The following AMHR2 variants were observed in gnomAD, a reference collection of about 807,000 sequenced individuals.
The protein encoded by AMHR2 is anti-Muellerian hormone type-2 receptor.
AMHR2 carries 36 observed loss-of-function variants against 61.4 expected under a neutral mutation model. The ratio of observed to expected loss-of-function variants is 0.59; its 90% confidence interval spans 0.45 to 0.77. The LOEUF (loss-of-function observed/expected upper bound fraction) is 0.77. Among genes scored for constraint, AMHR2 ranks in the 30% least tolerant of loss-of-function variants. The pLI, the probability that AMHR2 is intolerant of heterozygous loss-of-function variation, is 0.00. For missense variants in AMHR2, 638 were observed against 714.6 expected, an observed-to-expected ratio of 0.89 and a Z score of 1.22; for synonymous variants, 258 against 279.4, an observed-to-expected ratio of 0.92 and a Z score of 0.76.
chr12:53,426,553 G>A (rs1327366906), intron 6 of AMHR2, among the ~76,000 whole-genome samples: 3 of 149,592 alleles, frequency 2.0e-5, no homozygotes, highest in Non-Finnish European at 4.4e-5. Flanking sequence ...AGCCTGGGGA[G>A]GTCAAGGCTG....
rs1939471559 is a variant in AMHR2 at position 53,425,363 on chromosome 12, C to T, written c.503-92C>T. 5.0e-6 allele frequency: 8 copies of T among 1,604,702 alleles called. No individual in the cohort carries two copies. In the South Asian group the frequency reaches 7.7e-5, roughly 15 times the overall value. On this transcript the variant is annotated intron_variant, in intron 4 of 10. Transcript: ENST00000257863. ...TCTCTATAGCCTGATTCCCGGACTC[C>T]CATGACCTCTCACAAAGCTCCCTTT...
At chr12:53,426,376 C>T (rs1285285111) in intron 6 of AMHR2, among the ~76,000 whole-genome samples, 1 of 149,254 alleles carries the variant, frequency 6.7e-6, no homozygotes, top group African/African-American at 2.5e-5. Context: ...GTAATCCCAG[C>T]ACTTTGGGAG....
intron 8 of AMHR2, 82 bp from the exon 9 acceptor site, chr12:53,429,749 T>C: frequency 6.2e-7 from 1 of 1,606,424 alleles, no homozygotes; most frequent in African/African-American, 1.3e-5. Context: ...GAGTCTGTAG[T>C]TGGGGGGATA....
intron 9 of AMHR2, 69 bp from the exon 10 acceptor site, chr12:53,430,077 G>C: frequency 6.2e-7 from 1 of 1,614,082 alleles, no homozygotes; most frequent in East Asian, 2.2e-5. Flanking sequence ...GCTCTTCCCT[G>C]TCTTGCCCTT....
chr12:53,429,114 C>G lies in AMHR2; in HGVS notation c.967+104C>G. 2.7e-6 allele frequency: 3 copies of G among 1,110,076 alleles called. 1 individual carries two copies. Among genetic ancestry groups the G allele is most frequent in the South Asian group, 2.7e-5 (2 of 75,220 alleles). 68.8% of individuals were successfully genotyped at this position (1,110,076 alleles called of 1,614,324 possible). On this transcript the variant is annotated intron_variant, in intron 7 of 10. Transcript: ENST00000257863. ...TTGGGTCAAAAGAGGGAGGAAGAGC[C>G]GGGCACGGTGGCTCACGCCTATAAT... is the stretch of plus-strand genomic sequence containing the variant.
In AMHR2 at chr12:53,431,232, C is replaced by T; in HGVS notation, c.1481C>T (p.Ala494Val). Reference sequence around the variant, plus strand: ...GACTGTTGGGATGCAGACCCAGAAGCACGGCTGACAGCTGAGTGTGTACAG... The same window carrying T: ...GACTGTTGGGATGCAGACCCAGAAGTACGGCTGACAGCTGAGTGTGTACAG... ...LEDCWDADPE[A>V]RLTAECVQQR... The change falls in exon 11 of 11, where the codon GCA becomes GTA. Residue 494 changes from alanine to valine, a missense_variant. Physicochemically the swap from Ala to Val is moderately conservative, Grantham distance 64 (BLOSUM62 0). Transcript: ENST00000257863. 1 of 1,614,242 alleles carries T rather than the reference C, an allele frequency of 6.2e-7. No individual in the cohort carries two copies.
chr12:53,424,302 C>T lies in AMHR2; in HGVS notation c.64C>T (p.Arg22Ter), dbSNP rs755196112. The T allele has an allele frequency of 1.1e-5, 17 of 1,612,548 alleles. No homozygotes were observed. The highest frequency in any genetic ancestry group is 4.5e-5 in the East Asian group (2 of 44,886). The change falls in exon 2 of 11, where the codon CGA becomes TGA. Residue 22 changes from arginine (R) to a stop codon, truncating the protein, a stop_gained. Transcript: ENST00000257863. LOFTEE classifies it high-confidence loss of function. ...CTGGGCCTCAGCACCCCCAAACAGG[C>T]GAACCTGTGTGTTCTTTGAGGCCCC... ...PTAVEAPPNR[R>*]TCVFFEAPGV...
At chr12:53,429,765 T>A (rs1939949153) in intron 8 of AMHR2, 66 bp from the exon 9 acceptor site, 4 of 1,610,724 alleles carry the variant, frequency 2.5e-6, no homozygotes, top group Non-Finnish European at 3.4e-6. Context: ...GGATATTGCA[T>A]GGACCATTGC....
At chr12:53,426,242 A>T (rs1939569412) in intron 6 of AMHR2, among the ~76,000 whole-genome samples, 1 of 152,174 alleles carries the variant, frequency 6.6e-6, no homozygotes, top group Non-Finnish European at 1.5e-5. Context: ...AGGTGGAAAG[A>T]TCGCTTGAGC....
Position 53,424,305 on chromosome 12 carries a change from A to T in AMHR2, c.67A>T (p.Thr23Ser), listed in dbSNP as rs771891571. 4.3e-6 allele frequency: 7 copies of T among 1,612,484 alleles called. No individual in the cohort carries two copies. The highest frequency in any genetic ancestry group is 5.9e-6 in the Non-Finnish European group (7 of 1,180,020). Residue 23 changes from threonine to serine, a missense_variant, in exon 2 of 11, where the codon ACC (threonine) becomes TCC (serine). Transcript: ENST00000257863. The part of the protein sequence containing the change: ...TAVEAPPNRR[T>S]CVFFEAPGVR... ...GGCCTCAGCACCCCCAAACAGGCGA[A>T]CCTGTGTGTTCTTTGAGGCCCCTGG...
Position 53,431,370 on chromosome 12 carries a change from C to T in AMHR2, c.1619C>T (p.Thr540Ile). Reference sequence around the variant, plus strand: ...GACTGTACTTCAATTCCTGCCCCTACCATCCTCCCCTGTAGGCCTCAGCGG... The same window carrying T: ...GACTGTACTTCAATTCCTGCCCCTATCATCCTCCCCTGTAGGCCTCAGCGG... ...PEDCTSIPAPTILPCRPQRSA... is the reference protein window; with the variant it reads ...PEDCTSIPAPIILPCRPQRSA... Residue 540 changes from threonine to isoleucine, a missense_variant, in exon 11 of 11, where the codon ACC becomes ATC. Transcript: ENST00000257863. 1 of 1,614,266 alleles carries T rather than the reference C, an allele frequency of 6.2e-7. No individual in the cohort carries two copies. Among genetic ancestry groups the T allele is most frequent in the Non-Finnish European group, 8.5e-7 (1 of 1,180,054 alleles).
rs764761319 is a variant in AMHR2 at position 53,430,186 on chromosome 12, ACTGGGCAATACCCCTACCTCTGATGAG to A, written c.1332_1358del (p.Gly445_Leu453del). The stretch of plus-strand genomic sequence containing the variant: ...CCTTCCAACTGGCCTATGAGGCAGA[ACTGGGCAATACCCCTACCTCTGATGAG>A]CTATGGGCCTTGGCAGTGCAGGAGA... On this transcript the variant is annotated inframe_deletion, in exon 10 of 11. Coordinates refer to ENST00000257863, the MANE Select transcript of AMHR2 (RefSeq NM_020547.3). 622 of 1,614,210 alleles carry A rather than the reference ACTGGGCAATACCCCTACCTCTGATGAG, an allele frequency of 3.9e-4. 1 individual carries two copies. Among genetic ancestry groups the A allele is most frequent in the Non-Finnish European group, 4.4e-4 (517 of 1,180,032 alleles).
intron 3 of AMHR2, 101 bp from the exon 4 acceptor site, chr12:53,425,064 C>G: frequency 6.3e-7 from 1 of 1,597,424 alleles, no homozygotes; most frequent in African/African-American, 1.3e-5. Flanking sequence ...GTCTTGTGAC[C>G]AGGGTGGGGG....
At position 53,424,421 on chromosome 12, in the gene AMHR2, C is replaced by T. The variant is rs1480670320; in HGVS notation, c.183C>T (p.Cys61=). ...TCCGCTGCCTCTACAGCCGCTGCTG[C>T]TTTGGGATCTGGAACCTGACCCAAG... ...RAIRCLYSRC[C]FGIWNLTQDR... is the part of the protein sequence containing the mutation. The change falls in exon 2 of 11, where the codon TGC becomes TGT. Residue 61 remains cysteine, a synonymous_variant. Coordinates refer to ENST00000257863, the MANE Select transcript of AMHR2 (RefSeq NM_020547.3). 6.2e-7 allele frequency: 1 copy of T among 1,613,684 alleles called. No individual in the cohort carries two copies. The highest frequency in any genetic ancestry group is 1.3e-5 in the African/African-American group (1 of 75,020).
chr12:53,430,233 A>G lies in AMHR2; in HGVS notation c.1376A>G (p.Gln459Arg). The G allele has an allele frequency of 1.9e-6, 3 of 1,614,192 alleles. No individual in the cohort carries two copies. Among genetic ancestry groups the G allele is most frequent in the Non-Finnish European group, 2.5e-6 (3 of 1,180,030 alleles). The change falls in exon 10 of 11, where the codon CAG becomes CGG. Residue 459 changes from glutamine to arginine, a missense_variant. Coordinates refer to ENST00000257863, the MANE Select transcript of AMHR2 (RefSeq NM_020547.3). ...GATGAGCTATGGGCCTTGGCAGTGC[A>G]GGAGAGGAGGCGTCCCTACATCCCA... Reference protein sequence around the residue: ...TSDELWALAVQERRRPYIPST... With the variant: ...TSDELWALAVRERRRPYIPST...
chr12:53,425,466 C>A lies in AMHR2; in HGVS notation c.514C>A (p.Arg172=). ...LGSIILALLQ[R]KNYRVRGEPV... is the part of the protein sequence containing the mutation. ...CTTGTCTGTTCCAGCCCTGCTACAGCGAAAGAACTACAGAGTGCGAGGTGA... is the reference window on the plus strand; with the variant it reads ...CTTGTCTGTTCCAGCCCTGCTACAGAGAAAGAACTACAGAGTGCGAGGTGA... Residue 172 remains arginine (R), a synonymous_variant, in exon 5 of 11, where the codon CGA becomes AGA. Transcript: ENST00000257863. 6.2e-7 allele frequency: 1 copy of A among 1,613,920 alleles called. No individual in the cohort carries two copies. The highest frequency in any genetic ancestry group is 8.5e-7 in the Non-Finnish European group (1 of 1,180,020).
chr12:53,431,073 T>C, intron 10 of AMHR2, 104 bp from the exon 11 acceptor site: 1 of 1,377,770 alleles, frequency 7.3e-7, no homozygotes, highest in South Asian at 1.2e-5. Flanking sequence ...AGATCAGAAG[T>C]GGATGTTGAA....
Position 53,431,160 on chromosome 12 carries a change from CCT to C in AMHR2, c.1426-16_1426-15del. 1 of 1,613,806 alleles carries C rather than the reference CCT, an allele frequency of 6.2e-7. No individual in the cohort carries two copies. The highest frequency in any genetic ancestry group is 8.5e-7 in the Non-Finnish European group (1 of 1,180,042). On this transcript the variant is annotated splice_polypyrimidine_tract_variant and intron_variant, in intron 10 of 10. Transcript: ENST00000257863. ...AAGATCCTAGGGTCAACCCTTCCTC[CCT>C]GTCATTCCCCCCAGGACCCTGATGG...
chr12:53,430,794 A>G, intron 10 of AMHR2: 3 of 368,034 alleles, frequency 8.2e-6, no homozygotes, highest in South Asian at 5.8e-5. Context: ...ATACTTTTTT[A>G]ACAAAATGTC....
Sources: allele counts gnomAD v4.1 joint callset (sites outside exome capture counted in the v4.1 genomes callset), GRCh38; gene constraint gnomAD v4.1.1; transcripts MANE v1.5; gene names NCBI Gene and HGNC (gene_info 2026-07-23, HGNC 2026-07-21).